VPS41: variants seen among roughly 807,000 people sequenced by gnomAD.
VPS41 encodes VPS41 subunit of HOPS complex.
A neutral mutation model predicts 130.9 loss-of-function variants in VPS41; 85 were observed. The observed-to-expected ratio is 0.65, with a 90% CI of 0.55 to 0.78. The LOEUF (loss-of-function observed/expected upper bound fraction) is 0.78, where lower values mean the gene tolerates loss of function less well. Ranked by LOEUF, VPS41 falls within the 30% of genes least tolerant of loss-of-function variation. VPS41 has a pLI of 0.00. For synonymous variants in VPS41, 335 were observed against 332.9 expected, an observed-to-expected ratio of 1.01 and a Z score of -0.07; for missense variants, 874 against 1,018.7, an observed-to-expected ratio of 0.86 and a Z score of 1.93.
chr7:38,748,078 T>C (rs1046487176), intron 22 of VPS41, among the ~76,000 whole-genome samples: 1 of 152,240 alleles, frequency 6.6e-6, no homozygotes, highest in Non-Finnish European at 1.5e-5. Flanking sequence ...AAATGGACTT[T>C]AGAAATCTCT....
chr7:38,784,899 A>C (rs186279724), intron 10 of VPS41, among the ~76,000 whole-genome samples: 1 of 152,342 alleles, frequency 6.6e-6, no homozygotes, highest in Admixed American at 6.5e-5. Flanking sequence ...CCAAATGTCC[A>C]TTAGCTAAAT....
At chr7:38,767,802 A>G (rs1411527952) in intron 14 of VPS41, among the ~76,000 whole-genome samples, 5 of 152,228 alleles carry the variant, frequency 3.3e-5, no homozygotes, top group Admixed American at 3.3e-4. Flanking sequence ...CATACATTTT[A>G]GAATTCACAG....
At chr7:38,821,177 AAAAGT>A in intron 6 of VPS41, 21 bp downstream of exon 6, 1 of 1,596,304 alleles carries the variant, frequency 6.3e-7, no homozygotes, top group Non-Finnish European at 8.6e-7. Context: ...AACCCTTAGA[AAAAGT>A]AAAACTTGCT....
chr7:38,751,623 T>C (rs964526597), intron 22 of VPS41, among the ~76,000 whole-genome samples: 4 of 152,176 alleles, frequency 2.6e-5, no homozygotes, highest in Admixed American at 6.6e-5. Context: ...GTAAGACAAA[T>C]TCCTTGTCTT....
chr7:38,782,361 C>CT (rs1784367889), intron 10 of VPS41, among the ~76,000 whole-genome samples: 1 of 152,226 alleles, frequency 6.6e-6, no homozygotes, highest in Admixed American at 6.5e-5. Context: ...TTGCTCCCCT[C>CT]TGCTTTCTCT....
rs753499544 is a variant in VPS41, at chr7:38,789,848, C to G, written c.737G>C (p.Arg246Pro). Reference protein sequence around the residue: ...TSVKVCSVKERHASEMRDLPS... With the variant: ...TSVKVCSVKEPHASEMRDLPS... Reference sequence around the variant, plus strand: ...CAAATCCCTCATTTCACTGGCATGCCGTTCCTTCACTGAGCACACCTGGAA... The same window carrying G: ...CAAATCCCTCATTTCACTGGCATGCGGTTCCTTCACTGAGCACACCTGGAA... Residue 246 changes from arginine to proline, a missense_variant, in exon 10 of 29, where the codon CGG becomes CCG. By Grantham distance (103) the Arg-to-Pro change is moderately radical. Coordinates refer to ENST00000310301, the MANE Select transcript of VPS41 (RefSeq NM_014396.4). 3 of 1,613,626 alleles carry G rather than the reference C, an allele frequency of 1.9e-6. No individual in the cohort carries two copies. The highest frequency in any genetic ancestry group is 2.5e-6 in the Non-Finnish European group (3 of 1,179,674).
At chr7:38,754,673 G>A (rs1193704311) in intron 21 of VPS41, 29 bp downstream of exon 21, 1 of 1,603,886 alleles carries the variant, frequency 6.2e-7, no homozygotes, top group Admixed American at 1.7e-5. Flanking sequence ...TCAATCAAAA[G>A]GGCAAAAGGA....
At chr7:38,817,244 G>A (rs1157666975) in intron 7 of VPS41, among the ~76,000 whole-genome samples, 1 of 151,824 alleles carries the variant, frequency 6.6e-6, no homozygotes, top group Non-Finnish European at 1.5e-5. Context: ...TTGTGGGAGG[G>A]GCAATGTTTC....
At chr7:38,742,780 AAG>A (rs1236989732) in intron 24 of VPS41, among the ~76,000 whole-genome samples, 1 of 151,966 alleles carries the variant, frequency 6.6e-6, no homozygotes, top group Non-Finnish European at 1.5e-5. Flanking sequence ...AAAAAAAGGA[AAG>A]AGGAAATTTC....
At chr7:38,744,888 C>A (rs980052592) in intron 23 of VPS41, among the ~76,000 whole-genome samples, 1 of 152,124 alleles carries the variant, frequency 6.6e-6, no homozygotes, top group Non-Finnish European at 1.5e-5. Flanking sequence ...AGGCGTAAAG[C>A]GGAAAAACCC....
In VPS41 at chr7:38,767,591, C is replaced by G. The variant is rs1274119640; in HGVS notation, c.1193G>C (p.Gly398Ala). 6.8e-6 allele frequency: 11 copies of G among 1,608,986 alleles called. No homozygotes were observed. The Admixed American group carries it at 1.8e-4, about 27-fold the overall frequency. The change falls in exon 15 of 29, where the codon GGC becomes GCC. Residue 398 changes from glycine to alanine, a missense_variant. Transcript: ENST00000310301. ...CACCAGGTGATTTATATATGCCAAG[C>G]CAATATCCTAGAGAAAGCCAAATGA... ...NIKRHKILDI[G>A]LAYINHLVER...
intron 2 of VPS41, among the ~76,000 whole-genome samples, chr7:38,870,823 TA>T (rs11355704): frequency 0.22 from 20,728 of 96,136 alleles, 1,732 homozygotes; most frequent in Middle Eastern, 0.31. Flanking sequence ...TCTAATCTGT[TA>T]AAAAAAAAAA....
intron 16 of VPS41, among the ~76,000 whole-genome samples, chr7:38,764,739 A>T (rs970479010): frequency 3.3e-5 from 5 of 152,178 alleles, no homozygotes; most frequent in African/African-American, 7.2e-5. Context: ...TGTGTATCAC[A>T]AACACAGACT....
intron 25 of VPS41, among the ~76,000 whole-genome samples, chr7:38,741,057 C>T (rs1237369823): frequency 7.2e-5 from 11 of 152,196 alleles, no homozygotes. Flanking sequence ...AATATCTTCT[C>T]CTTTCCACCC....
intron 25 of VPS41, among the ~76,000 whole-genome samples, chr7:38,739,093 C>T (rs1795829550): frequency 6.6e-6 from 1 of 152,212 alleles, no homozygotes; most frequent in Non-Finnish European, 1.5e-5. Context: ...ATGCTGTATA[C>T]TCTATTGTCA....
intron 4 of VPS41, among the ~76,000 whole-genome samples, chr7:38,860,452 A>G (rs1258346000): frequency 6.6e-6 from 1 of 151,934 alleles, no homozygotes; most frequent in Non-Finnish European, 1.5e-5. Flanking sequence ...CCCAGGTCAA[A>G]CCATTATTTG....
intron 7 of VPS41, 70 bp downstream of exon 7, chr7:38,817,747 G>A (rs1785083137): frequency 8.0e-7 from 1 of 1,254,010 alleles, no homozygotes; most frequent in Admixed American, 1.7e-5. Flanking sequence ...AAACATTAAG[G>A]ATAAATTACA....
At chr7:38,831,244 T>G (rs1238420209) in intron 4 of VPS41, 1 of 471,154 alleles carries the variant, frequency 2.1e-6, no homozygotes, top group East Asian at 6.9e-5. Flanking sequence ...TGGCATCTGG[T>G]TGTAAGCTGC....
chr7:38,778,920 C>T (rs1281804250), intron 10 of VPS41, among the ~76,000 whole-genome samples: 3 of 152,122 alleles, frequency 2.0e-5, no homozygotes, highest in South Asian at 4.2e-4. Context: ...AGAGAAACTA[C>T]GAAATAATCC....
Sources: gnomAD v4.1 joint callset for allele counts (sites outside exome capture counted in the v4.1 genomes callset) on GRCh38, gnomAD v4.1.1 for gene constraint, MANE v1.5 for transcripts, NCBI Gene and HGNC (gene_info 2026-07-23, HGNC 2026-07-21) for gene names.